Variants in RASGRF2 observed in about 807,000 individuals in gnomAD.
The protein encoded by RASGRF2 is ras-specific guanine nucleotide-releasing factor 2.
Under a neutral mutation model 151.0 loss-of-function variants are expected in RASGRF2, and 76 were observed. The observed-to-expected ratio is 0.50, with a 90% CI of 0.42 to 0.61. The LOEUF is 0.61. Among genes scored for constraint, RASGRF2 ranks in the 20% least tolerant of loss-of-function variants. RASGRF2 has a pLI of 0.00. For missense variants in RASGRF2, 1,148 were observed against 1,564.6 expected (o/e 0.73, Z 4.49); for synonymous variants, 504 against 566.5 (o/e 0.89, Z 1.57).
At position 81,074,133 on chromosome 5, in the gene RASGRF2, C is replaced by T. The variant is rs910677043; in HGVS notation, c.887+681C>T. Among the ~76,000 whole-genome samples the T allele has an allele frequency of 7.2e-5, 11 of 152,218 alleles. No individual in the cohort carries two copies. In the East Asian group the frequency reaches 7.7e-4, roughly 11 times the overall value. The stretch of plus-strand genomic sequence containing the variant: ...AAAAGCTAAGACAGGACCTGAGAAG[C>T]TCTGGTGAATTTATTTGCTCAATAA... On this transcript the variant is annotated intron_variant, in intron 5 of 26. Transcript: ENST00000265080.
intron 19 of RASGRF2, among the ~76,000 whole-genome samples, chr5:81,204,821 A>AC: frequency 6.6e-6 from 1 of 152,088 alleles, no homozygotes; most frequent in Admixed American, 6.5e-5. Flanking sequence ...ACTTAATGGC[A>AC]CCAGAGTGCC....
intron 18 of RASGRF2, among the ~76,000 whole-genome samples, chr5:81,194,851 C>T (rs915193748): frequency 1.3e-5 from 2 of 152,218 alleles, no homozygotes; most frequent in African/African-American, 4.8e-5. Context: ...GCCTCCACTG[C>T]AGAGCGTTGT....
At chr5:81,012,389 A>G (rs572259730) in intron 1 of RASGRF2, among the ~76,000 whole-genome samples, 103 of 152,304 alleles carry the variant, frequency 6.8e-4, no homozygotes, top group South Asian at 6.2e-3. Context: ...GTGCATTAAC[A>G]TACCACATAT....
chr5:80,980,344 C>T (rs1463468072), intron 1 of RASGRF2, among the ~76,000 whole-genome samples: 1 of 152,128 alleles, frequency 6.6e-6, no homozygotes, highest in Admixed American at 6.6e-5. Context: ...AGACAGTACT[C>T]TTGAAAGAAT....
In RASGRF2 at chr5:81,080,211, T is replaced by C; in HGVS notation, c.967+11T>C. ...CCACTTTAATTTTAGGTAAGTGCAT[T>C]CTTTAAAGGTGTAAGATTTTCTTTT... On this transcript the variant is annotated intron_variant, in intron 6 of 26. Coordinates refer to ENST00000265080, the MANE Select transcript of RASGRF2 (RefSeq NM_006909.3). 1 of 1,590,960 alleles carries C rather than the reference T, an allele frequency of 6.3e-7. No individual in the cohort carries two copies. The highest frequency in any genetic ancestry group is 1.2e-5 in the South Asian group (1 of 85,684).
At chr5:81,223,642 GA>G (rs752469512) in intron 26 of RASGRF2, among the ~76,000 whole-genome samples, 91 of 136,234 alleles carry the variant, frequency 6.7e-4, no homozygotes, top group Non-Finnish European at 6.4e-4. Context: ...CTCCGTCTCA[GA>G]AAAAAAAAAA....
intron 17 of RASGRF2, among the ~76,000 whole-genome samples, chr5:81,159,195 T>C (rs1754326592): frequency 6.6e-6 from 1 of 152,254 alleles, no homozygotes; most frequent in African/African-American, 2.4e-5. Context: ...GACTGGGACA[T>C]GCTACAGCAT....
intron 12 of RASGRF2, among the ~76,000 whole-genome samples, chr5:81,098,056 A>G (rs1249148124): frequency 6.6e-6 from 1 of 152,228 alleles, no homozygotes; most frequent in Non-Finnish European, 1.5e-5. Flanking sequence ...AGCCTAGGCC[A>G]GCATGGCAGG....
At chr5:81,078,420 CT>C (rs1392419066) in intron 5 of RASGRF2, among the ~76,000 whole-genome samples, 1 of 152,234 alleles carries the variant, frequency 6.6e-6, no homozygotes, top group Non-Finnish European at 1.5e-5. Context: ...TTCCTAGCCT[CT>C]GGTAACCACC....
intron 17 of RASGRF2, among the ~76,000 whole-genome samples, chr5:81,140,018 G>T (rs1753846311): frequency 6.6e-6 from 1 of 151,926 alleles, no homozygotes; most frequent in Non-Finnish European, 1.5e-5. Context: ...TCGTAGAGAT[G>T]AGGTCTCTCC....
At chr5:81,108,514 C>T (rs1273229577) in intron 12 of RASGRF2, among the ~76,000 whole-genome samples, 1 of 152,154 alleles carries the variant, frequency 6.6e-6, no homozygotes, top group Admixed American at 6.5e-5. Context: ...GAAGCAGAGG[C>T]AGAGCTTACT....
At chr5:81,180,142 C>T (rs1358174197) in intron 17 of RASGRF2, 33 bp from the exon 18 acceptor site, 1 of 1,344,000 alleles carries the variant, frequency 7.4e-7, no homozygotes, top group Non-Finnish European at 1.1e-6. Flanking sequence ...GTGGCTTTAA[C>T]TGCAACACGT....
At chr5:80,996,546 C>T (rs1430589541) in intron 1 of RASGRF2, among the ~76,000 whole-genome samples, 11 of 34,716 alleles carry the variant, frequency 3.2e-4, no homozygotes, top group South Asian at 4.5e-3. Flanking sequence ...CCCTCCTCCT[C>T]CTCCCCCTCC....
intron 18 of RASGRF2, among the ~76,000 whole-genome samples, chr5:81,185,705 C>G (rs1755011945): frequency 6.6e-6 from 1 of 152,188 alleles, no homozygotes; most frequent in African/African-American, 2.4e-5. Context: ...GGTACAGGAT[C>G]AGAAGCAATA....
At chr5:80,985,203 C>A (rs1273955665) in intron 1 of RASGRF2, among the ~76,000 whole-genome samples, 1 of 152,244 alleles carries the variant, frequency 6.6e-6, no homozygotes, top group Middle Eastern at 3.4e-3. Flanking sequence ...CAGAGTGAGA[C>A]CCTGTCTCAA....
At chr5:81,192,016 A>T (rs1486548036) in intron 18 of RASGRF2, among the ~76,000 whole-genome samples, 1 of 152,182 alleles carries the variant, frequency 6.6e-6, no homozygotes, top group Non-Finnish European at 1.5e-5. Flanking sequence ...CCCACTTCAC[A>T]TCTGCTAAAC....
intron 18 of RASGRF2, 45 bp downstream of exon 18, chr5:81,180,326 A>G (rs777784751): frequency 2.4e-6 from 3 of 1,230,606 alleles, no homozygotes; most frequent in Non-Finnish European, 3.6e-6. Context: ...TTTTTTAAAA[A>G]ATCATCTTTT....
chr5:81,115,029 T>C (rs1387570928), intron 15 of RASGRF2, among the ~76,000 whole-genome samples: 3 of 152,164 alleles, frequency 2.0e-5, no homozygotes, highest in Non-Finnish European at 4.4e-5. Flanking sequence ...ACAGTGAAAT[T>C]ACAAACAGCT....
chr5:81,043,301 A>G (rs1342390154), intron 2 of RASGRF2, among the ~76,000 whole-genome samples: 2 of 152,200 alleles, frequency 1.3e-5, no homozygotes, highest in Non-Finnish European at 2.9e-5. Flanking sequence ...CTCTGTCAAC[A>G]ATCGGCAAGA....
Sources: gnomAD v4.1 joint callset for allele counts (sites outside exome capture counted in the v4.1 genomes callset) on GRCh38, gnomAD v4.1.1 for gene constraint, MANE v1.5 for transcripts, NCBI Gene and HGNC (gene_info 2026-07-23, HGNC 2026-07-21) for gene names.